The following PHLPP1 variants were observed in gnomAD, a reference collection of about 807,000 sequenced individuals.
PHLPP1 encodes the protein PH domain and leucine rich repeat protein phosphatase 1, also known as PH domain leucine-rich repeat-containing protein phosphatase 1.
Under a neutral mutation model 117.2 loss-of-function variants are expected in PHLPP1, and 42 were observed. The ratio of observed to expected loss-of-function variants is 0.36; its 90% confidence interval spans 0.28 to 0.46. PHLPP1 has a LOEUF of 0.46. PHLPP1 is among the 20% of genes least tolerant of loss of function. PHLPP1 has a pLI of 1.00. For missense variants in PHLPP1, 2,084 were observed against 2,241.9 expected (o/e 0.93, Z 1.42); for synonymous variants, 1,042 against 970.7 (o/e 1.07, Z -1.37).
intron 12 of PHLPP1, among the ~76,000 whole-genome samples, chr18:62,953,957 A>G (rs534577724): frequency 5.3e-5 from 8 of 152,318 alleles, no homozygotes; most frequent in Middle Eastern, 3.4e-3. Context: ...GATGATATAT[A>G]ATACTTTGCT....
intron 9 of PHLPP1, 140 bp downstream of exon 9, chr18:62,915,148 T>A: frequency 1.6e-6 from 1 of 612,326 alleles, no homozygotes; most frequent in South Asian, 2.1e-5. Context: ...CCCCATGTGG[T>A]GTCTTCAAGT....
At chr18:62,770,954 C>T (rs559942863) in intron 1 of PHLPP1, among the ~76,000 whole-genome samples, 174 of 152,252 alleles carry the variant, frequency 1.1e-3, no homozygotes, top group African/African-American at 4.1e-3. Flanking sequence ...CGCGGTGGCT[C>T]ACGCCTGTAA....
At chr18:62,772,986 T>A (rs899781600) in intron 1 of PHLPP1, among the ~76,000 whole-genome samples, 1 of 151,422 alleles carries the variant, frequency 6.6e-6, no homozygotes, top group African/African-American at 2.4e-5. Context: ...TAAAATTGAG[T>A]ACAATGGACC....
chr18:62,835,882 G>C (rs564423651), intron 2 of PHLPP1, among the ~76,000 whole-genome samples: 1 of 147,262 alleles, frequency 6.8e-6, no homozygotes, highest in African/African-American at 2.5e-5. Context: ...CCGGGTTCAA[G>C]CGATTCTCCT....
intron 1 of PHLPP1, among the ~76,000 whole-genome samples, chr18:62,801,334 C>T (rs904988894): frequency 2.7e-5 from 4 of 150,654 alleles, no homozygotes; most frequent in Non-Finnish European, 4.4e-5. Flanking sequence ...TGAGCCACCA[C>T]TCCTGGCTGC....
chr18:62,720,798 G>A (rs1447665791), intron 1 of PHLPP1, among the ~76,000 whole-genome samples: 4 of 151,764 alleles, frequency 2.6e-5, no homozygotes, highest in Admixed American at 2.6e-4. Flanking sequence ...CTACTATGGC[G>A]TGATAACATC....
chr18:62,878,906 G>T (rs574934089), intron 4 of PHLPP1, among the ~76,000 whole-genome samples: 1 of 152,226 alleles, frequency 6.6e-6, no homozygotes, highest in African/African-American at 2.4e-5. Context: ...GCAAATACCA[G>T]TGTCTTCTTG....
chr18:62,971,380 CT>C (rs966652873), intron 14 of PHLPP1, among the ~76,000 whole-genome samples: 12 of 146,732 alleles, frequency 8.2e-5, no homozygotes, highest in Non-Finnish European at 1.1e-4. Flanking sequence ...TTTTCCCAGT[CT>C]TTTTTTTTTC....
At chr18:62,933,242 C>T (rs1159322115) in intron 10 of PHLPP1, among the ~76,000 whole-genome samples, 1 of 151,992 alleles carries the variant, frequency 6.6e-6, no homozygotes, top group Non-Finnish European at 1.5e-5. Flanking sequence ...TGTCATTTTT[C>T]ATGAAATTAG....
intron 14 of PHLPP1, among the ~76,000 whole-genome samples, chr18:62,970,122 T>C (rs745740635): frequency 8.7e-4 from 133 of 152,340 alleles, no homozygotes; most frequent in Non-Finnish European, 1.5e-3. Context: ...TCTCTGTGTG[T>C]ACATGTGTGG....
intron 1 of PHLPP1, among the ~76,000 whole-genome samples, chr18:62,721,144 G>A (rs1910903699): frequency 6.6e-6 from 1 of 152,034 alleles, no homozygotes; most frequent in Non-Finnish European, 1.5e-5. Flanking sequence ...AGTTCAAAGT[G>A]GTATTTCTTG....
chr18:62,882,270 A>ATT (rs754386808), intron 4 of PHLPP1, among the ~76,000 whole-genome samples: 4 of 137,780 alleles, frequency 2.9e-5, no homozygotes, highest in African/African-American at 8.0e-5. Context: ...TCACTTAACT[A>ATT]TTTTTTTTTT....
intron 10 of PHLPP1, among the ~76,000 whole-genome samples, chr18:62,921,106 AACTTAC>A (rs1376142547): frequency 7.2e-5 from 11 of 152,148 alleles, no homozygotes; most frequent in Admixed American, 7.2e-4. Flanking sequence ...AGTGGCTGTT[AACTTAC>A]TTTGGAGCAT....
At chr18:62,914,200 A>G (rs1254341212) in intron 8 of PHLPP1, among the ~76,000 whole-genome samples, 1 of 152,186 alleles carries the variant, frequency 6.6e-6, no homozygotes, top group African/African-American at 2.4e-5. Context: ...CTGTGTTTTC[A>G]TGATGACAGC....
At position 62,934,109 on chromosome 18, in the gene PHLPP1, A is replaced by G. The variant is rs545088492; in HGVS notation, c.2961-7609A>G. On this transcript the variant is annotated intron_variant, in intron 10 of 16. Transcript: ENST00000262719. ...AGGATATGGAGAAAAGAGAACATACATTGTTGGTAGGAATGTGAATTAGTT... is the reference window on the plus strand; with the variant it reads ...AGGATATGGAGAAAAGAGAACATACGTTGTTGGTAGGAATGTGAATTAGTT... Among the ~76,000 whole-genome samples, 20 of 152,306 alleles carry G rather than the reference A, an allele frequency of 1.3e-4. No individual in the cohort carries two copies. In the South Asian group the frequency reaches 3.9e-3, roughly 30 times the overall value.
At chr18:62,882,861 T>C (rs994231259) in intron 4 of PHLPP1, among the ~76,000 whole-genome samples, 3 of 151,424 alleles carry the variant, frequency 2.0e-5, no homozygotes, top group East Asian at 1.9e-4. Context: ...TCCCCTAGTA[T>C]ATAAAATTTA....
Position 62,979,260 on chromosome 18 carries a change from T to G in PHLPP1, c.4983T>G (p.Asp1661Glu). 6.3e-7 allele frequency: 1 copy of G among 1,578,890 alleles called. No individual in the cohort carries two copies. Among genetic ancestry groups the G allele is most frequent in the African/African-American group, 1.3e-5 (1 of 74,176 alleles). ...YFAAPAQPDP[D>E]DQFIIPPELE... ...CTGCCCCGGCTCAGCCGGATCCTGA[T>G]GATCAGTTTATCATACCCCCGGAGC... The change falls in exon 17 of 17, where the codon GAT (aspartate) becomes GAG (glutamate). Residue 1661 changes from aspartate to glutamate, a missense_variant. Physicochemically the swap from Asp to Glu is conservative, Grantham distance 45. This residue lies in a region of PHLPP1 where 1,365 missense variants were observed against 1,605.9 expected (regional missense o/e 0.85). Transcript: ENST00000262719.
At chr18:62,896,154 G>C (rs1916558328) in intron 6 of PHLPP1, 143 bp downstream of exon 6, 1 of 611,292 alleles carries the variant, frequency 1.6e-6, no homozygotes, top group Non-Finnish European at 2.9e-6. Flanking sequence ...GAAGAATTAT[G>C]ATTAATAGTA....
intron 1 of PHLPP1, among the ~76,000 whole-genome samples, chr18:62,823,233 AAAGT>A (rs1427500411): frequency 6.6e-6 from 1 of 152,210 alleles, no homozygotes; most frequent in African/African-American, 2.4e-5. Context: ...AGAAAATAAA[AAAGT>A]AAGCCAGACT....
Sources: gnomAD v4.1 joint callset for allele counts (sites outside exome capture counted in the v4.1 genomes callset) on GRCh38, gnomAD v4.1.1 for gene constraint, gnomAD v4.1.1 regional missense constraint, MANE v1.5 for transcripts, NCBI Gene and HGNC (gene_info 2026-07-23, HGNC 2026-07-21) for gene names.